The following KIF26B variants were observed in gnomAD, a reference collection of about 807,000 sequenced individuals.
KIF26B encodes the protein kinesin family member 26B, also known as kinesin-like protein KIF26B.
In KIF26B, 63 loss-of-function variants were observed where a neutral mutation model predicts 151.2. The observed-to-expected ratio is 0.42, with a 90% CI of 0.34 to 0.51. KIF26B has a LOEUF of 0.51. Among genes scored for constraint, KIF26B ranks in the 20% least tolerant of loss-of-function variants. The pLI is 0.07. For synonymous variants in KIF26B, 1,357 were observed against 1,262.1 expected, an observed-to-expected ratio of 1.08 and a Z score of -1.59; for missense variants, 2,813 against 2,913.6, an observed-to-expected ratio of 0.97 and a Z score of 0.79.
chr1:245,698,009 T>C lies in KIF26B; in HGVS notation c.5825-97T>C. On this transcript the variant is annotated intron_variant, in intron 12 of 14. Coordinates refer to ENST00000407071, the MANE Select transcript of KIF26B (RefSeq NM_018012.4). This position sits in a 1 kb window ranked among gnomAD's most constrained non-coding sequence, Gnocchi z 4.0. ...TGAGCTATGGATCGCACCACTGCAC[T>C]CCAGCCTGGGCAACAGAGCAAGACC... 1 of 1,176,638 alleles carries C rather than the reference T, an allele frequency of 8.5e-7. No homozygotes were observed. Among genetic ancestry groups the C allele is most frequent in the Non-Finnish European group, 1.2e-6 (1 of 840,718 alleles). The allele number at this position is 1,176,638 out of a possible 1,614,324, so 72.9% of individuals were successfully genotyped here.
intron 2 of KIF26B, chr1:245,283,007 G>A: frequency 3.4e-6 from 1 of 291,490 alleles, no homozygotes; most frequent in Non-Finnish European, 7.1e-6. Context: ...GAGGCTCCAT[G>A]TGCTTCATGG....
intron 2 of KIF26B, among the ~76,000 whole-genome samples, chr1:245,365,521 ACC>A (rs1558404339): frequency 1.2e-4 from 17 of 144,896 alleles, no homozygotes; most frequent in African/African-American, 4.5e-4. Context: ...ACTCCCCCCC[ACC>A]AGCCTACAGC....
At chr1:245,529,000 G>C (rs115754818) in intron 4 of KIF26B, among the ~76,000 whole-genome samples, 1 of 152,152 alleles carries the variant, frequency 6.6e-6, no homozygotes, top group Admixed American at 6.5e-5. Flanking sequence ...GCACCAACTT[G>C]TCAAGTTCTG....
At chr1:245,526,832 A>G (rs1221801728) in intron 4 of KIF26B, among the ~76,000 whole-genome samples, 3 of 152,238 alleles carry the variant, frequency 2.0e-5, no homozygotes, top group Non-Finnish European at 2.9e-5. Flanking sequence ...TTTTAATTTC[A>G]CACAATTGAA....
chr1:245,692,085 A>G (rs1478571446), intron 12 of KIF26B, among the ~76,000 whole-genome samples: 4 of 152,198 alleles, frequency 2.6e-5, no homozygotes, highest in Non-Finnish European at 5.9e-5. Flanking sequence ...CTATGCAGAT[A>G]ATTTAAATAA....
intron 2 of KIF26B, among the ~76,000 whole-genome samples, chr1:245,213,640 G>A (rs1467134695): frequency 5.3e-5 from 8 of 152,208 alleles, no homozygotes; most frequent in African/African-American, 1.9e-4. Flanking sequence ...CGGAGCCTGG[G>A]CAGTCAATCA....
At chr1:245,182,437 C>T (rs1016197986) in intron 2 of KIF26B, among the ~76,000 whole-genome samples, 1 of 152,198 alleles carries the variant, frequency 6.6e-6, no homozygotes, top group Non-Finnish European at 1.5e-5. Flanking sequence ...TAATATTCCA[C>T]TGTATAAACA....
intron 2 of KIF26B, among the ~76,000 whole-genome samples, chr1:245,366,631 A>G (rs908569761): frequency 5.3e-5 from 8 of 152,060 alleles, no homozygotes; most frequent in Non-Finnish European, 1.0e-4. Flanking sequence ...AGTTTTCACT[A>G]TAAAATTCTT....
chr1:245,678,469 C>G (rs546697581), intron 10 of KIF26B, among the ~76,000 whole-genome samples: 89 of 152,212 alleles, frequency 5.8e-4, no homozygotes, highest in African/African-American at 2.1e-3. Flanking sequence ...GTGTTCTCGG[C>G]ATTTAAATAT....
chr1:245,485,833 G>T (rs991676436), intron 4 of KIF26B, among the ~76,000 whole-genome samples: 1 of 152,222 alleles, frequency 6.6e-6, no homozygotes, highest in African/African-American at 2.4e-5. Flanking sequence ...CCTTTCACAC[G>T]AGTGATGCTG....
At chr1:245,532,339 G>A (rs1253648475) in intron 4 of KIF26B, among the ~76,000 whole-genome samples, 18 of 146,230 alleles carry the variant, frequency 1.2e-4, no homozygotes, top group East Asian at 7.9e-4. Flanking sequence ...TCTGCCTCCC[G>A]GGTTCACGCC....
intron 2 of KIF26B, among the ~76,000 whole-genome samples, chr1:245,261,008 T>TTCCC (rs539632383): frequency 3.4e-3 from 522 of 151,560 alleles, no homozygotes; most frequent in African/African-American, 0.012. Flanking sequence ...CTTCCCTTCC[T>TTCCC]TCCCTCCTTC....
At chr1:245,194,475 C>T (rs1025150714) in intron 2 of KIF26B, among the ~76,000 whole-genome samples, 5 of 152,196 alleles carry the variant, frequency 3.3e-5, no homozygotes, top group African/African-American at 1.2e-4. Flanking sequence ...CCCTTGGGTT[C>T]AAGCGATTGT....
chr1:245,356,669 C>G (rs1672708466), intron 2 of KIF26B, among the ~76,000 whole-genome samples: 1 of 152,218 alleles, frequency 6.6e-6, no homozygotes, highest in South Asian at 2.1e-4. Flanking sequence ...CACATGGCTT[C>G]TGTGTGCCTA....
Position 245,698,033 on chromosome 1 carries a change from C to A in KIF26B, c.5825-73C>A, listed in dbSNP as rs1327904958. The A allele has an allele frequency of 7.2e-7, 1 of 1,394,650 alleles. No individual in the cohort carries two copies. The highest frequency in any genetic ancestry group is 9.8e-7 in the Non-Finnish European group (1 of 1,020,150). The allele number at this position is 1,394,650 out of a possible 1,614,324, so 86.4% of individuals were successfully genotyped here. A position where few individuals can be genotyped will look rare whatever the true frequency, so the allele number is the denominator to read the frequency against. ...CTCCAGCCTGGGCAACAGAGCAAGA[C>A]CCTGTCTCAAAAAAACAACAAAAAA... On this transcript the variant is annotated intron_variant, in intron 12 of 14. Transcript: ENST00000407071. The surrounding 1 kb of genome is among the most constrained non-coding windows in gnomAD (Gnocchi z 4.0).
At chr1:245,198,696 T>C (rs1432990401) in intron 2 of KIF26B, among the ~76,000 whole-genome samples, 1 of 149,656 alleles carries the variant, frequency 6.7e-6, no homozygotes, top group Non-Finnish European at 1.5e-5. Flanking sequence ...CATTGCACTT[T>C]AGCCTGGGCA....
At chr1:245,595,562 C>T (rs990496461) in intron 5 of KIF26B, among the ~76,000 whole-genome samples, 3 of 152,148 alleles carry the variant, frequency 2.0e-5, no homozygotes, top group African/African-American at 7.2e-5. Flanking sequence ...ATTCAGTTTG[C>T]CAGTATTTTA....
At chr1:245,300,136 G>T (rs1266246903) in intron 2 of KIF26B, among the ~76,000 whole-genome samples, 1 of 152,212 alleles carries the variant, frequency 6.6e-6, no homozygotes, top group Non-Finnish European at 1.5e-5. Context: ...TCTATTTCTA[G>T]TACTTGGCCC....
chr1:245,277,444 C>T (rs918011983), intron 2 of KIF26B, among the ~76,000 whole-genome samples: 3 of 152,182 alleles, frequency 2.0e-5, no homozygotes, highest in Non-Finnish European at 4.4e-5. Context: ...TTCCTCAGTG[C>T]CCTGGGGCTT....
Sources: allele counts gnomAD v4.1 joint callset (sites outside exome capture counted in the v4.1 genomes callset), GRCh38; gene constraint gnomAD v4.1.1; non-coding constraint Gnocchi (gnomAD v3.1); transcripts MANE v1.5; gene names NCBI Gene and HGNC (gene_info 2026-07-23, HGNC 2026-07-21).